The following PCDHGA12 variants were observed in gnomAD, a reference collection of about 807,000 sequenced individuals.
PCDHGA12 encodes protocadherin gamma-A12.
PCDHGA12 carries 43 observed loss-of-function variants against 61.1 expected under a neutral mutation model. That is an observed-to-expected ratio of 0.70 (90% CI 0.55 to 0.91). PCDHGA12 has a LOEUF of 0.91. Among genes scored for constraint, PCDHGA12 ranks in the 40% least tolerant of loss-of-function variants. The probability of loss-of-function intolerance (pLI) is 0.00; values close to 1 mark genes in which losing one functional copy is unlikely to be tolerated. For synonymous variants in PCDHGA12, 520 were observed against 542.9 expected (o/e 0.96, Z 0.59); for missense variants, 1,236 against 1,227.7 (o/e 1.01, Z -0.10).
chr5:141,453,752 T>C (rs1404363977), intron 1 of PCDHGA12, among the ~76,000 whole-genome samples: 10 of 152,364 alleles, frequency 6.6e-5, no homozygotes, highest in Admixed American at 5.9e-4. Flanking sequence ...AACATAAGTC[T>C]CCTAAAAATA....
At position 141,491,390 on chromosome 5, in the gene PCDHGA12, T is replaced by C; in HGVS notation, c.2425-3417T>C. 6.2e-7 allele frequency: 1 copy of C among 1,614,130 alleles called. No homozygotes were observed. Among genetic ancestry groups the C allele is most frequent in the Non-Finnish European group, 8.5e-7 (1 of 1,179,988 alleles). ...TTCACCTTTCTGTCAGCGAAGTGCC[T>C]TCAGGGAAACGCAGACGGGGACGGG... On this transcript the variant is annotated intron_variant, in intron 1 of 3. Coordinates refer to ENST00000252085, the MANE Select transcript of PCDHGA12 (RefSeq NM_003735.3). This position sits in a 1 kb window ranked among gnomAD's most constrained non-coding sequence, Gnocchi z 6.9.
chr5:141,491,964 C>T lies in PCDHGA12; in HGVS notation c.2425-2843C>T, dbSNP rs1382490003. 2.1e-6 allele frequency: 2 copies of T among 943,836 alleles called. No individual in the cohort carries two copies. The highest frequency in any genetic ancestry group is 3.0e-6 in the Non-Finnish European group (2 of 671,104). 58.5% of individuals were successfully genotyped at this position (943,836 alleles called of 1,614,324 possible). On this transcript the variant is annotated intron_variant, in intron 1 of 3. Transcript: ENST00000252085. The surrounding 1 kb of genome is among the most constrained non-coding windows in gnomAD (Gnocchi z 6.9). ...CCCCACCCCTACACTCAAAAAAGGC[C>T]GGGGCCTCCTTCGAGCTTCCGGTGA...
chr5:141,489,284 T>A lies in PCDHGA12; in HGVS notation c.2425-5523T>A. On this transcript the variant is annotated intron_variant, in intron 1 of 3. Transcript: ENST00000252085. This position sits in a 1 kb window ranked among gnomAD's most constrained non-coding sequence, Gnocchi z 4.5. ...CCACAGCTCGCTGGGAAATGGCAAG[T>A]GCTGTGCATGTTGTCCTTGTGCTGC... The A allele has an allele frequency of 6.4e-7, 1 of 1,570,016 alleles. No homozygotes were observed. The highest frequency in any genetic ancestry group is 2.2e-5 in the East Asian group (1 of 44,588).
In PCDHGA12 at chr5:141,491,198, A is replaced by T. The variant is rs1344758185; in HGVS notation, c.2425-3609A>T. ...GTGGTCCTGGTGAGGGACAATGGTG[A>T]CCCTTCACTCTCCTCCACAGCCACA... On this transcript the variant is annotated intron_variant, in intron 1 of 3. Coordinates refer to ENST00000252085, the MANE Select transcript of PCDHGA12 (RefSeq NM_003735.3). This position sits in a 1 kb window ranked among gnomAD's most constrained non-coding sequence, Gnocchi z 6.9. 1.2e-6 allele frequency: 2 copies of T among 1,613,912 alleles called. No individual in the cohort carries two copies. The highest frequency in any genetic ancestry group is 1.3e-5 in the African/African-American group (1 of 74,866).
rs115607451 is a variant in PCDHGA12, at chr5:141,508,636, A to C, written c.2573-2311A>C. Among the ~76,000 whole-genome samples, 998 of 151,746 alleles carry C rather than the reference A, an allele frequency of 6.6e-3. 12 individuals are homozygous for C. The highest frequency in any genetic ancestry group is 0.023 in the African/African-American group (958 of 41,372). ...ACGTGGGTGGGCCGAGCTTCTAGCT[A>C]CTCCGTCAGGCCCTTCCTGTCATTC... On this transcript the variant is annotated intron_variant, in intron 3 of 3. Transcript: ENST00000252085.
At chr5:141,488,546 G>A (rs2099676755) in intron 1 of PCDHGA12, among the ~76,000 whole-genome samples, 1 of 152,188 alleles carries the variant, frequency 6.6e-6, no homozygotes, top group African/African-American at 2.4e-5. Context: ...TCCCATGTCA[G>A]CTGACATTGA....
At chr5:141,467,185 TG>T (rs1295935271) in intron 1 of PCDHGA12, among the ~76,000 whole-genome samples, 1 of 152,004 alleles carries the variant, frequency 6.6e-6, no homozygotes, top group African/African-American at 2.4e-5. Context: ...CCCAAGTAGC[TG>T]GGATTACAGG....
chr5:141,494,607 C>T (rs2099755630), intron 1 of PCDHGA12, among the ~76,000 whole-genome samples, 200 bp from the exon 2 acceptor site: 2 of 152,092 alleles, frequency 1.3e-5, no homozygotes, highest in South Asian at 2.1e-4. Flanking sequence ...TGTGATTTAT[C>T]TCTTGGTTTC....
At chr5:141,451,776 G>C (rs1279891846) in intron 1 of PCDHGA12, among the ~76,000 whole-genome samples, 1 of 152,078 alleles carries the variant, frequency 6.6e-6, no homozygotes, top group Non-Finnish European at 1.5e-5. Flanking sequence ...AGCTACTCAG[G>C]AGGCTGAGGC....
At chr5:141,461,825 T>C (rs2099024418) in intron 1 of PCDHGA12, among the ~76,000 whole-genome samples, 1 of 151,778 alleles carries the variant, frequency 6.6e-6, no homozygotes, top group African/African-American at 2.4e-5. Context: ...AGCTAATTTT[T>C]TTTTCTTTTT....
In PCDHGA12 at chr5:141,487,869, G is replaced by T; in HGVS notation, c.2425-6938G>T. On this transcript the variant is annotated intron_variant, in intron 1 of 3. Transcript: ENST00000252085. This position sits in a 1 kb window ranked among gnomAD's most constrained non-coding sequence, Gnocchi z 5.0. ...AAATGAAAGTAATTGGTGATCAAGA[G>T]CCAGGCTGTTGTGGAAGCATGATGA... 1.1e-6 allele frequency: 1 copy of T among 871,620 alleles called. No individual in the cohort carries two copies. The highest frequency in any genetic ancestry group is 1.7e-6 in the Non-Finnish European group (1 of 574,346). The allele number at this position is 871,620 out of a possible 1,614,324, so 54.0% of individuals were successfully genotyped here. A position where few individuals can be genotyped will look rare whatever the true frequency, so the allele number is the denominator to read the frequency against.
At chr5:141,442,466 A>T (rs1270035223) in intron 1 of PCDHGA12, 1 of 152,254 alleles carries the variant, frequency 6.6e-6, no homozygotes, top group African/African-American at 2.4e-5. Flanking sequence ...TTCACTGCAG[A>T]AAGCCCCTTG....
Position 141,477,673 on chromosome 5 carries a change from G to A in PCDHGA12, c.2425-17134G>A. The A allele has an allele frequency of 1.2e-6, 2 of 1,614,168 alleles. No individual in the cohort carries two copies. The highest frequency in any genetic ancestry group is 8.5e-7 in the Non-Finnish European group (1 of 1,180,050). ...CAATAAATCGTGACAATGGCATAGT[G>A]TCATCCTTAGTGCCCCTAGACTATG... On this transcript the variant is annotated intron_variant, in intron 1 of 3. Coordinates refer to ENST00000252085, the MANE Select transcript of PCDHGA12 (RefSeq NM_003735.3). This position sits in a 1 kb window ranked among gnomAD's most constrained non-coding sequence, Gnocchi z 4.9.
rs2099884522 is a variant in PCDHGA12, at chr5:141,512,941, T to C, written c.*1768T>C. On this transcript the variant is annotated 3_prime_UTR_variant, in exon 4 of 4. Transcript: ENST00000252085. ...CTAATATTTATATGGCTTTTTTTCT[T>C]CGACAAAAAAATAATAAAACGTTTC... The C allele has an allele frequency of 6.6e-6, 1 of 151,892 alleles. No individual in the cohort carries two copies. The highest frequency in any genetic ancestry group is 6.6e-5 in the Admixed American group (1 of 15,236). The allele number at this position is 151,892 out of a possible 1,614,324, so 9.4% of individuals were successfully genotyped here.
chr5:141,500,493 G>A (rs1239876467), intron 2 of PCDHGA12, among the ~76,000 whole-genome samples: 1 of 152,166 alleles, frequency 6.6e-6, no homozygotes, highest in Admixed American at 6.5e-5. Context: ...ACAGGCGTGA[G>A]CCACCGCGCC....
At chr5:141,442,253 G>A (rs910914393) in intron 1 of PCDHGA12, 2 of 153,064 alleles carry the variant, frequency 1.3e-5, no homozygotes, top group Non-Finnish European at 2.9e-5. Flanking sequence ...TGCATTGTTT[G>A]TGCTGGTTTT....
chr5:141,475,213 G>C (rs1359120020), intron 1 of PCDHGA12, among the ~76,000 whole-genome samples: 2 of 152,170 alleles, frequency 1.3e-5, no homozygotes, highest in African/African-American at 4.8e-5. Context: ...GAAAAGGATT[G>C]ATCAAGTAAA....
chr5:141,471,717 C>T (rs1196344901), intron 1 of PCDHGA12, among the ~76,000 whole-genome samples: 1 of 152,022 alleles, frequency 6.6e-6, no homozygotes, highest in Non-Finnish European at 1.5e-5. Flanking sequence ...GTGCCACTTA[C>T]CAGGTAAGGA....
At chr5:141,488,213 C>T (rs1261280988) in intron 1 of PCDHGA12, among the ~76,000 whole-genome samples, 1 of 152,118 alleles carries the variant, frequency 6.6e-6, no homozygotes, top group Non-Finnish European at 1.5e-5. Context: ...CATATCAAGT[C>T]CCTACTGGGG....
Sources: gnomAD v4.1 joint callset for allele counts (sites outside exome capture counted in the v4.1 genomes callset) on GRCh38, gnomAD v4.1.1 for gene constraint, Gnocchi (gnomAD v3.1) non-coding constraint, MANE v1.5 for transcripts, NCBI Gene and HGNC (gene_info 2026-07-23, HGNC 2026-07-21) for gene names.